CSMD1: variants seen among roughly 807,000 people sequenced by gnomAD.
CSMD1 encodes the protein CUB and Sushi multiple domains 1, also known as CUB and sushi domain-containing protein 1.
A neutral mutation model predicts 417.5 loss-of-function variants in CSMD1; 213 were observed. The ratio of observed to expected loss-of-function variants is 0.51; its 90% CI spans 0.46 to 0.57. CSMD1 has a LOEUF of 0.57. Among genes scored for constraint, CSMD1 ranks in the 20% least tolerant of loss-of-function variants. The pLI, the probability that CSMD1 is intolerant of heterozygous loss-of-function variation, is 0.00. For synonymous variants in CSMD1, 2,862 were observed against 1,736.8 expected, an observed-to-expected ratio of 1.65 and a Z score of -16.11; for missense variants, 6,923 against 4,529.7, an observed-to-expected ratio of 1.53 and a Z score of -15.17.
At position 4,446,138 on chromosome 8, in the gene CSMD1, G is replaced by C. The variant is rs140148340; in HGVS notation, c.303-26073C>G. Among the ~76,000 whole-genome samples, 345 of 152,278 alleles carry C rather than the reference G, an allele frequency of 2.3e-3. 1 individual carries two copies. Among genetic ancestry groups the C allele is most frequent in the African/African-American group, 8.0e-3 (333 of 41,562 alleles). ...TTTTGTTGTTACATTCGTTACATACGTGAGTTTTGAACTGAAACCCATACT... is the reference window on the plus strand; with the variant it reads ...TTTTGTTGTTACATTCGTTACATACCTGAGTTTTGAACTGAAACCCATACT... On this transcript the variant is annotated intron_variant, in intron 2 of 69. Coordinates refer to ENST00000635120, the MANE Select transcript of CSMD1 (RefSeq NM_033225.6).
intron 26 of CSMD1, among the ~76,000 whole-genome samples, chr8:3,254,244 G>C (rs1800479799): frequency 6.6e-6 from 1 of 152,326 alleles, no homozygotes; most frequent in South Asian, 2.1e-4. Context: ...CGAGAGATCA[G>C]CTGTTAGTCT....
At chr8:4,155,073 T>A (rs1796761420) in intron 3 of CSMD1, among the ~76,000 whole-genome samples, 1 of 152,216 alleles carries the variant, frequency 6.6e-6, no homozygotes, top group South Asian at 2.1e-4. Context: ...AGGCCCGATT[T>A]GTGCTTTGAA....
chr8:3,387,922 C>A (rs975593082), intron 17 of CSMD1, among the ~76,000 whole-genome samples: 8 of 152,124 alleles, frequency 5.3e-5, no homozygotes, highest in African/African-American at 1.9e-4. Flanking sequence ...ATACAACAAC[C>A]TTGAATAATT....
chr8:3,950,421 G>A (rs2740865), intron 5 of CSMD1, among the ~76,000 whole-genome samples: 49,416 of 152,088 alleles, frequency 0.32, 8,369 homozygotes, highest in African/African-American at 0.41. Context: ...GTAAGTAGCA[G>A]AAGAGAGGTT....
Position 4,576,706 on chromosome 8 carries a change from T to A in CSMD1, c.302+60636A>T, listed in dbSNP as rs1799153888. ...CAGTCATAAGTAGCTAGAAGTCTGA[T>A]AATCTCTTTCTAAAACTTAACTAAA... On this transcript the variant is annotated intron_variant, in intron 2 of 69. Coordinates refer to ENST00000635120, the MANE Select transcript of CSMD1 (RefSeq NM_033225.6). Among the ~76,000 whole-genome samples the A allele has an allele frequency of 2.6e-5, 4 of 152,308 alleles. No individual in the cohort carries two copies. The South Asian group carries it at 8.3e-4, about 32-fold the overall frequency.
chr8:4,035,859 C>T (rs112824037), intron 3 of CSMD1, among the ~76,000 whole-genome samples: 13 of 152,140 alleles, frequency 8.5e-5, no homozygotes, highest in Non-Finnish European at 1.3e-4. Context: ...AGTCTACAGT[C>T]GTACATAGTC....
chr8:4,070,132 C>G (rs1585247589), intron 3 of CSMD1, among the ~76,000 whole-genome samples: 1 of 151,938 alleles, frequency 6.6e-6, no homozygotes, highest in African/African-American at 2.4e-5. Flanking sequence ...AAATATTACA[C>G]CAATTTTATT....
intron 3 of CSMD1, among the ~76,000 whole-genome samples, chr8:4,358,951 C>G (rs775018849): frequency 1.4e-4 from 17 of 122,932 alleles, no homozygotes; most frequent in Non-Finnish European, 2.3e-4. Context: ...CAGTACTACA[C>G]TTCCAGAGTC....
intron 3 of CSMD1, among the ~76,000 whole-genome samples, chr8:4,248,235 G>A (rs766867156): frequency 1.3e-5 from 2 of 152,092 alleles, no homozygotes; most frequent in African/African-American, 4.8e-5. Context: ...ACAGTTGGCA[G>A]GACTAGTCCA....
chr8:3,074,731 T>C lies in CSMD1; in HGVS notation c.7474+12366A>G, dbSNP rs1479723035. 2.6e-5 allele frequency among the ~76,000 whole-genome samples: 4 copies of C among 152,334 alleles called. No homozygotes were observed. The East Asian group carries it at 7.7e-4, about 29-fold the overall frequency. On this transcript the variant is annotated intron_variant, in intron 49 of 69. Transcript: ENST00000635120. ...TGAAATTGCAATAAATATACAAACA[T>C]ATATTTTAGAATAGAATTTTTGGCA...
At chr8:4,076,990 A>T (rs898925253) in intron 3 of CSMD1, among the ~76,000 whole-genome samples, 2 of 152,188 alleles carry the variant, frequency 1.3e-5, no homozygotes, top group Admixed American at 1.3e-4. Flanking sequence ...AATGAAGAAT[A>T]AATTCCAGCT....
At chr8:3,509,793 C>A (rs775587000) in intron 10 of CSMD1, among the ~76,000 whole-genome samples, 7 of 152,144 alleles carry the variant, frequency 4.6e-5, no homozygotes, top group Non-Finnish European at 8.8e-5. Flanking sequence ...TGTCCTGGAG[C>A]ACACGTCTGT....
intron 5 of CSMD1, among the ~76,000 whole-genome samples, chr8:3,986,905 C>T (rs1814369962): frequency 6.6e-6 from 1 of 152,170 alleles, no homozygotes; most frequent in African/African-American, 2.4e-5. Flanking sequence ...CAGGTGCACG[C>T]CACCATGCCC....
chr8:3,188,027 A>G, intron 35 of CSMD1, 62 bp from the exon 36 acceptor site: 1 of 1,343,782 alleles, frequency 7.4e-7, no homozygotes, highest in Non-Finnish European at 1.0e-6. Flanking sequence ...GTCTAATTAG[A>G]TGGGGTTTTG....
chr8:4,180,217 C>G (rs1486198405), intron 3 of CSMD1, among the ~76,000 whole-genome samples: 1 of 151,920 alleles, frequency 6.6e-6, no homozygotes, highest in Non-Finnish European at 1.5e-5. Flanking sequence ...GAAAATGTGG[C>G]ACATATACAC....
At chr8:3,055,921 G>A (rs1024782925) in intron 49 of CSMD1, among the ~76,000 whole-genome samples, 1 of 152,128 alleles carries the variant, frequency 6.6e-6, no homozygotes, top group African/African-American at 2.4e-5. Flanking sequence ...ATGTCAAAAG[G>A]TAATCAGGAG....
intron 26 of CSMD1, among the ~76,000 whole-genome samples, chr8:3,249,329 C>G (rs1475788799): frequency 1.3e-5 from 2 of 152,138 alleles, no homozygotes; most frequent in African/African-American, 2.4e-5. Flanking sequence ...TCATGTGATT[C>G]TCAATGCCTC....
intron 2 of CSMD1, among the ~76,000 whole-genome samples, chr8:4,443,456 C>G (rs1040006731): frequency 6.6e-6 from 1 of 152,190 alleles, no homozygotes. Flanking sequence ...TTGTATGATG[C>G]AATCAAGATT....
chr8:4,060,388 C>A (rs1011269538), intron 3 of CSMD1, among the ~76,000 whole-genome samples: 1 of 152,164 alleles, frequency 6.6e-6, no homozygotes, highest in East Asian at 1.9e-4. Flanking sequence ...TGGCACAAGA[C>A]AGGGATGCCC....
Sources: allele counts gnomAD v4.1 joint callset (sites outside exome capture counted in the v4.1 genomes callset), GRCh38; gene constraint gnomAD v4.1.1; transcripts MANE v1.5; gene names NCBI Gene and HGNC (gene_info 2026-07-23, HGNC 2026-07-21).